Variants in DLGAP1 observed in about 807,000 individuals in gnomAD.
The protein encoded by DLGAP1 is disks large-associated protein 1.
Under a neutral mutation model 90.8 loss-of-function variants are expected in DLGAP1, and 11 were observed. The observed-to-expected ratio is 0.12, with a 90% confidence interval of 0.08 to 0.20. The LOEUF (loss-of-function observed/expected upper bound fraction) is 0.20, where lower values mean the gene tolerates loss of function less well. DLGAP1 is among the 10% of genes least tolerant of loss of function. The pLI, the probability that DLGAP1 is intolerant of heterozygous loss-of-function variation, is 1.00. For missense variants in DLGAP1, 1,050 were observed against 1,333.8 expected (o/e 0.79, Z 3.31); for synonymous variants, 558 against 540.7 (o/e 1.03, Z -0.44).
chr18:3,802,934 A>C (rs2066379639), intron 5 of DLGAP1, among the ~76,000 whole-genome samples: 1 of 152,152 alleles, frequency 6.6e-6, no homozygotes, highest in Non-Finnish European at 1.5e-5. Context: ...ATCATCTTTG[A>C]GGATCCTTTT....
chr18:3,896,840 AG>A (rs1275682160), intron 3 of DLGAP1: 2 of 152,314 alleles, frequency 1.3e-5, no homozygotes, highest in African/African-American at 4.8e-5. Context: ...AAACCTAGAA[AG>A]GTCACTCTCT....
In DLGAP1 at chr18:4,378,864, T is replaced by C. The variant is rs776039542; in HGVS notation, c.-267+76142A>G. Among the ~76,000 whole-genome samples the C allele has an allele frequency of 5.9e-5, 9 of 152,220 alleles. No individual in the cohort carries two copies. The South Asian group carries it at 1.5e-3, about 25-fold the overall frequency. The stretch of plus-strand genomic sequence containing the variant: ...CTATTTAGCTCTGCATTTAATAAAC[T>C]TGGGGTTCCTCCTCAGCTAACATCC... On this transcript the variant is annotated intron_variant, in intron 1 of 12. Transcript: ENST00000315677. This position sits in a 1 kb window ranked among gnomAD's most constrained non-coding sequence, Gnocchi z 4.5.
chr18:3,543,049 C>G (rs148709828), intron 9 of DLGAP1, among the ~76,000 whole-genome samples: 2 of 152,152 alleles, frequency 1.3e-5, no homozygotes, highest in Admixed American at 1.3e-4. Flanking sequence ...AGAACTTACA[C>G]CAAAAAATGT....
At chr18:3,546,926 G>A (rs543197312) in intron 9 of DLGAP1, among the ~76,000 whole-genome samples, 12 of 151,720 alleles carry the variant, frequency 7.9e-5, no homozygotes, top group Non-Finnish European at 1.8e-4. Flanking sequence ...GAAATAAAAA[G>A]CTGGTTCTTT....
chr18:4,172,220 T>C (rs1348097778), intron 1 of DLGAP1, among the ~76,000 whole-genome samples: 1 of 152,212 alleles, frequency 6.6e-6, no homozygotes, highest in African/African-American at 2.4e-5. Flanking sequence ...AACTGCATTT[T>C]TGGAGAATGA....
intron 3 of DLGAP1, among the ~76,000 whole-genome samples, chr18:3,905,477 T>C (rs2071885919): frequency 6.6e-6 from 1 of 151,532 alleles, no homozygotes; most frequent in African/African-American, 2.4e-5. Context: ...ACCATTTCCG[T>C]ACAAAAATTT....
intron 7 of DLGAP1, among the ~76,000 whole-genome samples, chr18:3,632,984 A>C (rs1338153473): frequency 6.6e-6 from 1 of 152,098 alleles, no homozygotes; most frequent in Non-Finnish European, 1.5e-5. Flanking sequence ...GCTCATCTTT[A>C]CCTTTAGGGT....
chr18:4,189,908 C>A (rs1474822657), intron 1 of DLGAP1, among the ~76,000 whole-genome samples: 1 of 152,002 alleles, frequency 6.6e-6, no homozygotes, highest in African/African-American at 2.4e-5. Flanking sequence ...TAGACACAGA[C>A]CTTAGAAGCA....
chr18:3,729,422 G>A lies in DLGAP1; in HGVS notation c.1351-47C>T, dbSNP rs373870895. ...GTGACACTCGCCTCCACCTGGTGGA[G>A]GATCAACCTCTCCAAGCATCTGCGA... is the stretch of plus-strand genomic sequence containing the variant. On this transcript the variant is annotated intron_variant, in intron 6 of 12. Coordinates refer to ENST00000315677, the MANE Select transcript of DLGAP1 (RefSeq NM_004746.4). This position sits in a 1 kb window ranked among gnomAD's most constrained non-coding sequence, Gnocchi z 6.2. The A allele has an allele frequency of 2.5e-5, 39 of 1,582,152 alleles. No homozygotes were observed. The highest frequency in any genetic ancestry group is 3.2e-5 in the Non-Finnish European group (37 of 1,159,070).
chr18:4,302,883 C>T (rs2080161005), intron 1 of DLGAP1, among the ~76,000 whole-genome samples: 1 of 152,144 alleles, frequency 6.6e-6, no homozygotes, highest in Non-Finnish European at 1.5e-5. Flanking sequence ...ATGTCTTCTT[C>T]AATTTCTTTC....
At chr18:3,544,719 T>TTTTA (rs3072938) in intron 9 of DLGAP1, among the ~76,000 whole-genome samples, 43,544 of 142,884 alleles carry the variant, frequency 0.3, 6,921 homozygotes, top group Admixed American at 0.44. Flanking sequence ...TGTACTTTGC[T>TTTTA]TTTATTTATT....
chr18:4,239,910 G>C (rs181432005), intron 1 of DLGAP1, among the ~76,000 whole-genome samples: 5 of 152,218 alleles, frequency 3.3e-5, no homozygotes, highest in Admixed American at 1.3e-4. Context: ...GAATCCATTA[G>C]GACCTACTTA....
chr18:3,661,871 T>C (rs748570577), intron 7 of DLGAP1, among the ~76,000 whole-genome samples: 5 of 152,060 alleles, frequency 3.3e-5, no homozygotes, highest in African/African-American at 7.2e-5. Flanking sequence ...AGTTAGCCAC[T>C]GCTCCCGGCC....
intron 1 of DLGAP1, among the ~76,000 whole-genome samples, chr18:4,288,217 G>A (rs1254293592): frequency 6.6e-6 from 1 of 152,110 alleles, no homozygotes; most frequent in Non-Finnish European, 1.5e-5. Context: ...TTGCAATAAG[G>A]CAGATGAGGT....
chr18:4,092,559 T>C (rs1306271490), intron 2 of DLGAP1, among the ~76,000 whole-genome samples: 1 of 152,118 alleles, frequency 6.6e-6, no homozygotes, highest in Non-Finnish European at 1.5e-5. Flanking sequence ...CTCACCCAGG[T>C]ATGGAGATTG....
At chr18:3,996,858 ATG>A (rs2074082160) in intron 3 of DLGAP1, among the ~76,000 whole-genome samples, 1 of 152,048 alleles carries the variant, frequency 6.6e-6, no homozygotes, top group Non-Finnish European at 1.5e-5. Flanking sequence ...TTTTATTGTT[ATG>A]CATTATTTGA....
At chr18:4,415,989 G>A (rs984954157) in intron 1 of DLGAP1, among the ~76,000 whole-genome samples, 1 of 152,082 alleles carries the variant, frequency 6.6e-6, no homozygotes. Context: ...AGGTTTCACA[G>A]TAGAATATAA....
intron 8 of DLGAP1, among the ~76,000 whole-genome samples, chr18:3,576,104 A>G (rs562424345): frequency 2.6e-5 from 4 of 152,030 alleles, no homozygotes; most frequent in Admixed American, 2.6e-4. Flanking sequence ...TGCGGCCAGG[A>G]CTCCCAAACT....
chr18:3,659,921 T>G (rs187773343), intron 7 of DLGAP1, among the ~76,000 whole-genome samples: 1 of 152,164 alleles, frequency 6.6e-6, no homozygotes, highest in South Asian at 2.1e-4. Flanking sequence ...TCCGGACCCA[T>G]TAGCCACATG....
Sources: gnomAD v4.1 joint callset for allele counts (sites outside exome capture counted in the v4.1 genomes callset) on GRCh38, gnomAD v4.1.1 for gene constraint, Gnocchi (gnomAD v3.1) non-coding constraint, MANE v1.5 for transcripts, NCBI Gene and HGNC (gene_info 2026-07-23, HGNC 2026-07-21) for gene names.